The following PLB1 variants were observed in gnomAD, a reference collection of about 807,000 sequenced individuals.
PLB1 encodes the protein phospholipase B1, membrane-associated.
Under a neutral mutation model 227.4 loss-of-function variants are expected in PLB1, and 242 were observed. That is an observed-to-expected ratio of 1.06 (90% confidence interval 0.96 to 1.18). PLB1 has a LOEUF of 1.18. PLB1 is among the 50% of genes most tolerant of loss of function. The pLI, the probability that PLB1 is intolerant of heterozygous loss-of-function variation, is 0.00. For missense variants in PLB1, 1,858 were observed against 1,816.3 expected (o/e 1.02, Z -0.42); for synonymous variants, 757 against 682.2 (o/e 1.11, Z -1.71).
At chr2:28,499,199 T>C (rs1666807237) in intron 1 of PLB1, among the ~76,000 whole-genome samples, 2 of 152,172 alleles carry the variant, frequency 1.3e-5, no homozygotes, top group South Asian at 4.1e-4. Flanking sequence ...TATATATTCT[T>C]TTGGGTTTTC....
intron 2 of PLB1, among the ~76,000 whole-genome samples, 172 bp downstream of exon 2, chr2:28,517,041 G>A (rs186637826): frequency 6.6e-6 from 1 of 152,338 alleles, no homozygotes; most frequent in East Asian, 1.9e-4. Flanking sequence ...GTCCGGCAGA[G>A]TGTGTGTCCT....
At chr2:28,568,647 C>T (rs1677474777) in intron 20 of PLB1, among the ~76,000 whole-genome samples, 1 of 152,220 alleles carries the variant, frequency 6.6e-6, no homozygotes, top group Admixed American at 6.5e-5. Flanking sequence ...GCTCCGATGA[C>T]ATCACCAAAG....
At position 28,642,858 on chromosome 2, in the gene PLB1, G is replaced by A. The variant is rs141768418; in HGVS notation, c.4174G>A (p.Glu1392Lys). 86 of 1,591,032 alleles carry A rather than the reference G, an allele frequency of 5.4e-5. No individual in the cohort carries two copies. Among genetic ancestry groups the A allele is most frequent in the Admixed American group, 3.0e-4 (17 of 57,550 alleles). The change falls in exon 58 of 58, where the codon GAG (glutamate) becomes AAG (lysine). Residue 1392 changes from glutamate to lysine, a missense_variant and splice_region_variant. Transcript: ENST00000327757. Reference sequence around the variant, plus strand: ...ACTGACCCCCGCTCCTCCTCCACAGGAGAGCCCTTACCTCTACACCCTGCG... The same window carrying A: ...ACTGACCCCCGCTCCTCCTCCACAGAAGAGCCCTTACCTCTACACCCTGCG... ...SRAKLKCPSP[E>K]SPYLYTLRNS... is the part of the protein sequence containing the mutation.
intron 34 of PLB1, 84 bp from the exon 35 acceptor site, chr2:28,598,568 G>T: frequency 9.5e-7 from 1 of 1,049,092 alleles, no homozygotes; most frequent in Non-Finnish European, 1.5e-6. Context: ...AGCCCACTTT[G>T]GGGACCTAGG....
Position 28,516,884 on chromosome 2 carries a change from T to C in PLB1, c.117+15T>C. On this transcript the variant is annotated intron_variant, in intron 2 of 57. Transcript: ENST00000327757. ...TATGGCCAGAGGTAAGGGCTTTGGC[T>C]GGTGGGAGGTGCGTGTGTATGGAGG... 6.2e-7 allele frequency: 1 copy of C among 1,611,446 alleles called. No homozygotes were observed. Among genetic ancestry groups the C allele is most frequent in the South Asian group, 1.1e-5 (1 of 91,014 alleles).
In PLB1 at chr2:28,605,958, G is replaced by C; in HGVS notation, c.3057+10G>C. 6.3e-7 allele frequency: 1 copy of C among 1,589,304 alleles called. No homozygotes were observed. The highest frequency in any genetic ancestry group is 2.2e-5 in the East Asian group (1 of 44,740). On this transcript the variant is annotated intron_variant, in intron 42 of 57. Coordinates refer to ENST00000327757, the MANE Select transcript of PLB1 (RefSeq NM_153021.5). ...CCTTTGGACCAATATGGTAAAATAA[G>C]TGGGGTGTTCCTTGTTCTCTGGGGT...
chr2:28,600,557 C>T (rs528804951), intron 35 of PLB1, among the ~76,000 whole-genome samples: 2 of 152,270 alleles, frequency 1.3e-5, no homozygotes, highest in South Asian at 2.1e-4. Context: ...AGAAAGGTGA[C>T]CATGAGCAAC....
In PLB1 at chr2:28,548,550, T is replaced by C. The variant is rs755490591; in HGVS notation, c.937-310T>C. ...CCACCTCAACCTCTGCTGTGCAGCTTTTCCTTCTAGGAGAGGTAGACTAGG... is the reference window on the plus strand; with the variant it reads ...CCACCTCAACCTCTGCTGTGCAGCTCTTCCTTCTAGGAGAGGTAGACTAGG... On this transcript the variant is annotated intron_variant, in intron 14 of 57. Coordinates refer to ENST00000327757, the MANE Select transcript of PLB1 (RefSeq NM_153021.5). 165 of 495,376 alleles carry C rather than the reference T, an allele frequency of 3.3e-4. 1 individual carries two copies. Among genetic ancestry groups the C allele is most frequent in the Non-Finnish European group, 6.0e-4 (146 of 244,282 alleles). 30.7% of individuals were successfully genotyped at this position (495,376 alleles called of 1,614,324 possible).
At chr2:28,517,570 A>G (rs72786877) in intron 2 of PLB1, among the ~76,000 whole-genome samples, 21,916 of 152,226 alleles carry the variant, frequency 0.14, 2,013 homozygotes, top group East Asian at 0.37. Context: ...TTGGCAACAA[A>G]TAAACATAAT....
At chr2:28,520,527 A>T (rs1375611450) in intron 4 of PLB1, among the ~76,000 whole-genome samples, 1 of 152,190 alleles carries the variant, frequency 6.6e-6, no homozygotes, top group African/African-American at 2.4e-5. Flanking sequence ...AAATATATTC[A>T]CGTTATTGTG....
At chr2:28,637,619 T>TC (rs1689521424) in intron 56 of PLB1, among the ~76,000 whole-genome samples, 1 of 152,340 alleles carries the variant, frequency 6.6e-6, no homozygotes, top group East Asian at 1.9e-4. Flanking sequence ...TTGGCCTGGT[T>TC]CACCTGATTA....
chr2:28,630,625 G>A lies in PLB1; in HGVS notation c.3858G>A (p.Leu1286=). ...GCCTCAGACACTCGCAAAGCTCCCT[G>A]GAGAAGCAAGAACTGAAGAAAGTGA... ...CTCLRHSQSS[L]EKQELKKVNW... Residue 1286 remains leucine (L), a synonymous_variant, in exon 54 of 58, where the codon CTG becomes CTA. Coordinates refer to ENST00000327757, the MANE Select transcript of PLB1 (RefSeq NM_153021.5). The A allele has an allele frequency of 6.2e-7, 1 of 1,613,578 alleles. No individual in the cohort carries two copies.
At chr2:28,529,460 A>G in intron 7 of PLB1, 53 bp downstream of exon 7, 2 of 1,421,858 alleles carry the variant, frequency 1.4e-6, no homozygotes, top group Non-Finnish European at 2.0e-6. Flanking sequence ...CTGGTCTTCA[A>G]CATATAGGTG....
chr2:28,597,730 C>G (rs1250238799), intron 33 of PLB1, among the ~76,000 whole-genome samples: 3 of 152,172 alleles, frequency 2.0e-5, no homozygotes, highest in African/African-American at 7.2e-5. Flanking sequence ...TAGTGCATGT[C>G]TGGGCACATA....
At chr2:28,573,124 C>A in intron 20 of PLB1, 73 bp from the exon 21 acceptor site, 1 of 1,202,954 alleles carries the variant, frequency 8.3e-7, no homozygotes, top group Non-Finnish European at 1.2e-6. Flanking sequence ...CTAACACCCA[C>A]TGGTGCTTAT....
chr2:28,552,314 G>A (rs560597639), intron 16 of PLB1, among the ~76,000 whole-genome samples: 137 of 152,322 alleles, frequency 9.0e-4, no homozygotes, highest in Non-Finnish European at 1.1e-3. Flanking sequence ...GTAACTACTT[G>A]GGCAAAGGCC....
At chr2:28,613,912 T>C (rs534156802) in intron 43 of PLB1, 119 bp from the exon 44 acceptor site, 2 of 841,336 alleles carry the variant, frequency 2.4e-6, no homozygotes, top group African/African-American at 3.4e-5. Context: ...GTTCTTTCTA[T>C]ATAAGTGCAG....
At chr2:28,568,152 C>T (rs188431393) in intron 20 of PLB1, among the ~76,000 whole-genome samples, 1 of 152,296 alleles carries the variant, frequency 6.6e-6, no homozygotes, top group Admixed American at 6.5e-5. Context: ...CACTCCCTGC[C>T]TTCTTTATAT....
chr2:28,549,877 T>C, intron 15 of PLB1, 133 bp from the exon 16 acceptor site: 1 of 630,660 alleles, frequency 1.6e-6, no homozygotes, highest in Non-Finnish European at 2.8e-6. Flanking sequence ...AGCCAGAGAA[T>C]GGTTTGGTCC....
Sources: gnomAD v4.1 joint callset for allele counts (sites outside exome capture counted in the v4.1 genomes callset) on GRCh38, gnomAD v4.1.1 for gene constraint, MANE v1.5 for transcripts, NCBI Gene and HGNC (gene_info 2026-07-23, HGNC 2026-07-21) for gene names.